Variants in KRIT1 observed in about 807,000 individuals in gnomAD.
KRIT1 encodes the protein KRIT1 ankyrin repeat containing.
In KRIT1, 45 loss-of-function variants were observed where a neutral mutation model predicts 95.8. That is an observed-to-expected ratio of 0.47 (90% CI 0.37 to 0.60). KRIT1 has a LOEUF of 0.60. KRIT1 is among the 20% of genes least tolerant of loss of function. The pLI is 0.00. For synonymous variants in KRIT1, 282 were observed against 278.8 expected (o/e 1.01, Z -0.11); for missense variants, 788 against 877.5 (o/e 0.90, Z 1.29).
intron 12 of KRIT1, 46 bp from the exon 13 acceptor site, chr7:92,223,024 T>C (rs372325390): frequency 1.6e-5 from 19 of 1,224,136 alleles, no homozygotes; most frequent in Admixed American, 3.4e-5. Flanking sequence ...AAATTATACA[T>C]CACAATCTAA....
chr7:92,244,021 T>C lies in KRIT1; in HGVS notation c.-22A>G, dbSNP rs1133990. On this transcript the variant is annotated 5_prime_UTR_variant, in exon 3 of 19. An upstream open reading frame in the 5' UTR loses its in-frame stop. Coordinates refer to ENST00000394505, the MANE Select transcript of KRIT1 (RefSeq NM_194454.3). ...ACCCACCTCATGCAACAGACCTTCCTACATCATGTGAAAAGGATGAGGCCT... is the reference window on the plus strand; with the variant it reads ...ACCCACCTCATGCAACAGACCTTCCCACATCATGTGAAAAGGATGAGGCCT... 3 of 152,310 alleles carry C rather than the reference T, an allele frequency of 2.0e-5. No homozygotes were observed. The highest frequency in any genetic ancestry group is 7.2e-5 in the African/African-American group (3 of 41,580). The allele number at this position is 152,310 out of a possible 1,614,324, so 9.4% of individuals were successfully genotyped here. A position where few individuals can be genotyped will look rare whatever the true frequency, so the allele number is the denominator to read the frequency against.
At chr7:92,219,014 TATTTG>T (rs1794575332) in intron 14 of KRIT1, among the ~76,000 whole-genome samples, 1 of 152,206 alleles carries the variant, frequency 6.6e-6, no homozygotes, top group Admixed American at 6.5e-5. Context: ...ATTATTATAA[TATTTG>T]AGATGAAGTC....
chr7:92,218,667 C>T (rs1032243696), intron 14 of KRIT1, among the ~76,000 whole-genome samples: 10 of 152,058 alleles, frequency 6.6e-5, no homozygotes, highest in Non-Finnish European at 1.3e-4. Flanking sequence ...GATACTGCAC[C>T]GAACCCTGAT....
chr7:92,238,582 C>T (rs894046412), intron 5 of KRIT1, among the ~76,000 whole-genome samples: 5 of 152,172 alleles, frequency 3.3e-5, no homozygotes, highest in Non-Finnish European at 7.3e-5. Context: ...GTGCTAGATA[C>T]AGAACAACAT....
chr7:92,220,779 C>T (rs1356790815), intron 14 of KRIT1, among the ~76,000 whole-genome samples: 1 of 149,258 alleles, frequency 6.7e-6, no homozygotes. Flanking sequence ...ACTGCAACCT[C>T]CACCTCCCAG....
At chr7:92,237,880 A>T in intron 5 of KRIT1, 121 bp from the exon 6 acceptor site, 2 of 637,982 alleles carry the variant, frequency 3.1e-6, no homozygotes, top group Non-Finnish European at 5.7e-6. Flanking sequence ...GAAATATACT[A>T]AGTCAATTTT....
At chr7:92,216,057 G>A (rs189999007) in intron 14 of KRIT1, among the ~76,000 whole-genome samples, 3 of 151,488 alleles carry the variant, frequency 2.0e-5, no homozygotes, top group South Asian at 2.1e-4. Flanking sequence ...GTGAAACCCC[G>A]TCTCTACTAA....
intron 14 of KRIT1, among the ~76,000 whole-genome samples, chr7:92,218,209 G>A (rs969471613): frequency 2.0e-5 from 3 of 151,548 alleles, no homozygotes; most frequent in South Asian, 4.2e-4. Flanking sequence ...GTGCCACCAC[G>A]CCAGGCTATT....
Position 92,226,471 on chromosome 7 carries a change from T to C in KRIT1, c.1146+55A>G, listed in dbSNP as rs569176478. The C allele has an allele frequency of 1.4e-4, 181 of 1,290,772 alleles. No homozygotes were observed. The African/African-American group carries it at 1.8e-3, about 13-fold the overall frequency. 80.0% of individuals were successfully genotyped at this position (1,290,772 alleles called of 1,614,324 possible). On this transcript the variant is annotated intron_variant, in intron 11 of 18. Coordinates refer to ENST00000394505, the MANE Select transcript of KRIT1 (RefSeq NM_194454.3). ...CATACAATTTAACATTTTAGTGTCA[T>C]TACTTGTTATTCACTGCTTGAATAT...
rs1800306317 is a variant in KRIT1, at chr7:92,244,113, T to A, written c.-114A>T. On this transcript the variant is annotated 5_prime_UTR_variant, in exon 3 of 19. Coordinates refer to ENST00000394505, the MANE Select transcript of KRIT1 (RefSeq NM_194454.3). ...CAGATTAACAATGACTTCAAGATAA[T>A]AAACGTTTACAAATTATGAGACAGA... The A allele has an allele frequency of 6.6e-6, 1 of 152,114 alleles. No individual in the cohort carries two copies. The highest frequency in any genetic ancestry group is 2.4e-5 in the African/African-American group (1 of 41,422). The allele number at this position is 152,114 out of a possible 1,614,324, so 9.4% of individuals were successfully genotyped here. A position where few individuals can be genotyped will look rare whatever the true frequency, so the allele number is the denominator to read the frequency against.
rs1245083943 is a variant in KRIT1, at chr7:92,226,616, A to G, written c.1056T>C (p.Asn352=). The change falls in exon 11 of 19, where the codon AAT becomes AAC. Residue 352 remains asparagine (N), a synonymous_variant. Transcript: ENST00000394505. ...AATGAAGAGGAGAACTAAGTTGTCCATTTAAAAGGTTTGGATTGCACTTTC... is the reference window on the plus strand; with the variant it reads ...AATGAAGAGGAGAACTAAGTTGTCCGTTTAAAAGGTTTGGATTGCACTTTC... ...EKGKCNPNLL[N]GQLSSPLHFA... 1.2e-6 allele frequency: 2 copies of G among 1,612,710 alleles called. No homozygotes were observed. Among genetic ancestry groups the G allele is most frequent in the Non-Finnish European group, 1.7e-6 (2 of 1,178,930 alleles).
intron 17 of KRIT1, chr7:92,206,717 A>G (rs1791570502): frequency 6.6e-6 from 1 of 152,214 alleles, no homozygotes; most frequent in Admixed American, 6.5e-5. Context: ...TTCTTCAGTA[A>G]CAGATGCTCC....
intron 11 of KRIT1, 31 bp downstream of exon 11, chr7:92,226,495 A>G (rs1434583820): frequency 6.5e-7 from 1 of 1,541,890 alleles, no homozygotes; most frequent in Admixed American, 1.7e-5. Flanking sequence ...CTGCTTGAAT[A>G]TTATTTTTAA....
chr7:92,202,154 A>G lies in KRIT1; in HGVS notation c.2026-731T>C, dbSNP rs545947180. ...ACTTCAACAATCTCATCCCACTGAA[A>G]ATAAGTACACTGATATATTTATTAT... On this transcript the variant is annotated intron_variant, in intron 17 of 18. Coordinates refer to ENST00000394505, the MANE Select transcript of KRIT1 (RefSeq NM_194454.3). 12 of 152,360 alleles carry G rather than the reference A, an allele frequency of 7.9e-5. No individual in the cohort carries two copies. In the East Asian group the frequency reaches 2.3e-3, roughly 29 times the overall value. The allele number at this position is 152,360 out of a possible 1,614,324, so 9.4% of individuals were successfully genotyped here.
chr7:92,237,307 G>A (rs1015081566), intron 6 of KRIT1, among the ~76,000 whole-genome samples: 1 of 152,048 alleles, frequency 6.6e-6, no homozygotes, highest in Non-Finnish European at 1.5e-5. Context: ...GATAGGTTCT[G>A]ATCATAATCT....
chr7:92,236,951 T>C (rs752282392), intron 6 of KRIT1, among the ~76,000 whole-genome samples: 3 of 152,204 alleles, frequency 2.0e-5, no homozygotes, highest in Middle Eastern at 3.2e-3. Flanking sequence ...GGGTGATTAA[T>C]ATAGTATATC....
rs1338383633 is a variant in KRIT1 at position 92,245,805 on chromosome 7, C to G, written c.-436G>C. ...TCCTGCCCACCTGCTCTTTACTGTC[C>G]TTCCCTCTCCTCGCACCTCAGCACC... On this transcript the variant is annotated 5_prime_UTR_variant, in exon 1 of 19. Transcript: ENST00000394505. 6.0e-6 allele frequency: 1 copy of G among 165,818 alleles called. No homozygotes were observed. The highest frequency in any genetic ancestry group is 1.3e-5 in the Non-Finnish European group (1 of 77,442). 10.3% of individuals were successfully genotyped at this position (165,818 alleles called of 1,614,324 possible). A position where few individuals can be genotyped will look rare whatever the true frequency, so the allele number is the denominator to read the frequency against.
At chr7:92,237,630 A>T in intron 6 of KRIT1, 37 bp downstream of exon 6, 1 of 1,204,518 alleles carries the variant, frequency 8.3e-7, no homozygotes, top group Non-Finnish European at 1.2e-6. Context: ...TAGCATCTAA[A>T]GTATATAAAG....
At chr7:92,235,868 G>A (rs1798347849) in intron 7 of KRIT1, 4 of 429,742 alleles carry the variant, frequency 9.3e-6, no homozygotes, top group Admixed American at 7.0e-5. Context: ...CATACTTTAG[G>A]GGCACATGTG....
Sources: allele counts gnomAD v4.1 joint callset (sites outside exome capture counted in the v4.1 genomes callset), GRCh38; gene constraint gnomAD v4.1.1; transcripts MANE v1.5; gene names NCBI Gene and HGNC (gene_info 2026-07-23, HGNC 2026-07-21).